The following PXDNL variants were observed in gnomAD, a reference collection of about 807,000 sequenced individuals.
PXDNL encodes probable oxidoreductase PXDNL.
Under a neutral mutation model 150.8 loss-of-function variants are expected in PXDNL, and 145 were observed. The ratio of observed to expected loss-of-function variants is 0.96; its 90% CI spans 0.84 to 1.10. PXDNL has a LOEUF of 1.10. Ranked by LOEUF, PXDNL falls within the 50% of genes least tolerant of loss-of-function variation. PXDNL has a pLI of 0.00. For synonymous variants in PXDNL, 757 were observed against 725.7 expected (o/e 1.04, Z -0.69); for missense variants, 2,087 against 1,873.9 (o/e 1.11, Z -2.10).
intron 19 of PXDNL, 119 bp from the exon 20 acceptor site, chr8:51,346,066 G>A (rs1242521029): frequency 1.7e-6 from 1 of 602,044 alleles, no homozygotes; most frequent in Non-Finnish European, 2.9e-6. Flanking sequence ...AGTAGAGAGC[G>A]AGAGTGAGAG....
chr8:51,341,754 C>T (rs979160398), intron 20 of PXDNL, among the ~76,000 whole-genome samples: 1 of 152,112 alleles, frequency 6.6e-6, no homozygotes, highest in Admixed American at 6.6e-5. Flanking sequence ...AGCATAATGT[C>T]CTCTAGAACT....
chr8:51,685,403 AC>A (rs773804626), intron 1 of PXDNL, among the ~76,000 whole-genome samples: 40 of 152,210 alleles, frequency 2.6e-4, no homozygotes, highest in Non-Finnish European at 4.9e-4. Context: ...TACTATGGCA[AC>A]CAAAATCATA....
At chr8:51,356,307 GGTGAAA>G in intron 19 of PXDNL, among the ~76,000 whole-genome samples, 1 of 152,180 alleles carries the variant, frequency 6.6e-6, no homozygotes, top group East Asian at 1.9e-4. Flanking sequence ...TGGCCAACAT[GGTGAAA>G]CCCCATCTCT....
chr8:51,435,752 G>A (rs187641775), intron 12 of PXDNL: 6 of 384,654 alleles, frequency 1.6e-5, no homozygotes, highest in South Asian at 4.7e-5. Flanking sequence ...CCCAGGCCCC[G>A]TTTGCAAGGG....
intron 2 of PXDNL, among the ~76,000 whole-genome samples, chr8:51,644,321 CATATAT>C (rs369187025): frequency 1.8e-5 from 1 of 55,884 alleles, no homozygotes; most frequent in African/African-American, 4.1e-5. Context: ...CACATTTTTA[CATATAT>C]ATATATATAT....
chr8:51,550,282 A>G (rs1294124248), intron 4 of PXDNL, among the ~76,000 whole-genome samples: 2 of 152,164 alleles, frequency 1.3e-5, no homozygotes, highest in East Asian at 3.9e-4. Flanking sequence ...TTCCAATCCT[A>G]CTGAAACTAT....
intron 1 of PXDNL, among the ~76,000 whole-genome samples, chr8:51,730,166 C>T (rs181273871): frequency 6.6e-6 from 1 of 151,654 alleles, no homozygotes; most frequent in South Asian, 2.1e-4. Context: ...TCACTTGTAA[C>T]ATCTCATTCA....
chr8:51,434,268 C>G (rs1228066569), intron 12 of PXDNL, among the ~76,000 whole-genome samples: 1 of 152,178 alleles, frequency 6.6e-6, no homozygotes, highest in Non-Finnish European at 1.5e-5. Flanking sequence ...TTTAAATGCT[C>G]TAAGTGATTT....
At chr8:51,544,359 G>A (rs571446817) in intron 4 of PXDNL, among the ~76,000 whole-genome samples, 49 of 152,194 alleles carry the variant, frequency 3.2e-4, no homozygotes, top group African/African-American at 1.2e-3. Context: ...ATAAAAATTC[G>A]ATGATTATAA....
At chr8:51,423,764 G>A (rs1300838574) in intron 13 of PXDNL, 33 bp from the exon 14 acceptor site, 4 of 1,570,438 alleles carry the variant, frequency 2.5e-6, no homozygotes, top group Non-Finnish European at 3.5e-6. Context: ...CACTGAATGA[G>A]TGTGGTTCCT....
At chr8:51,578,103 AAAG>A (rs869259862) in intron 3 of PXDNL, among the ~76,000 whole-genome samples, 4 of 121,592 alleles carry the variant, frequency 3.3e-5, no homozygotes, top group African/African-American at 1.2e-4. Context: ...AAAGAAAGAA[AAAG>A]AAAGAAAGAA....
At chr8:51,632,858 C>A (rs771058082) in intron 2 of PXDNL, among the ~76,000 whole-genome samples, 2 of 151,332 alleles carry the variant, frequency 1.3e-5, no homozygotes, top group Non-Finnish European at 2.9e-5. Context: ...AACTATATAC[C>A]CTTTTGTTTT....
chr8:51,539,987 C>CAGTA, intron 4 of PXDNL, among the ~76,000 whole-genome samples: 2 of 151,420 alleles, frequency 1.3e-5, no homozygotes, highest in East Asian at 3.9e-4. Context: ...GGCTGGAGTG[C>CAGTA]AGTGGCTCAA....
chr8:51,684,390 T>A lies in PXDNL; in HGVS notation c.165-29630A>T, dbSNP rs146832045. On this transcript the variant is annotated intron_variant, in intron 1 of 22. Coordinates refer to ENST00000356297, the MANE Select transcript of PXDNL (RefSeq NM_144651.5). ...TTAATTCCAGGATAGCCCCCAAGAT[T>A]CCCATATCCTCAACTTTCAAAATTT... Among the ~76,000 whole-genome samples, 391 of 152,248 alleles carry A rather than the reference T, an allele frequency of 2.6e-3. 1 individual carries two copies. Among genetic ancestry groups the A allele is most frequent in the African/African-American group, 9.1e-3 (378 of 41,550 alleles).
At chr8:51,758,113 C>A (rs2037122633) in intron 1 of PXDNL, among the ~76,000 whole-genome samples, 1 of 151,932 alleles carries the variant, frequency 6.6e-6, no homozygotes, top group Non-Finnish European at 1.5e-5. Context: ...CAACTAAAAT[C>A]TTTTTCTTAT....
chr8:51,322,338 A>T lies in PXDNL; in HGVS notation c.4147-1441T>A, dbSNP rs117293874. On this transcript the variant is annotated intron_variant, in intron 21 of 22. Coordinates refer to ENST00000356297, the MANE Select transcript of PXDNL (RefSeq NM_144651.5). ...CATTTCAGGCAAATGGAAAAAAAAA[A>T]ATATGTGTTAAAGCATGGGTACCAG... 1.1e-3 allele frequency among the ~76,000 whole-genome samples: 168 copies of T among 152,254 alleles called. 2 individuals carry two copies. In the East Asian group the frequency reaches 0.024, roughly 22 times the overall value.
intron 1 of PXDNL, among the ~76,000 whole-genome samples, chr8:51,708,365 CCATAA>C (rs1394045374): frequency 6.6e-6 from 1 of 152,172 alleles, no homozygotes; most frequent in Non-Finnish European, 1.5e-5. Context: ...TTTTTATCTT[CCATAA>C]GCACCTACTG....
chr8:51,369,372 C>T (rs1807021684), intron 19 of PXDNL, among the ~76,000 whole-genome samples: 1 of 152,154 alleles, frequency 6.6e-6, no homozygotes, highest in Non-Finnish European at 1.5e-5. Flanking sequence ...AGCAATGTTT[C>T]TGTTAATTGG....
chr8:51,578,297 G>C (rs1055373500), intron 3 of PXDNL, among the ~76,000 whole-genome samples: 1 of 151,698 alleles, frequency 6.6e-6, no homozygotes, highest in Admixed American at 6.6e-5. Context: ...AGTATACAAG[G>C]GAATATGAAA....
Sources: allele counts gnomAD v4.1 joint callset (sites outside exome capture counted in the v4.1 genomes callset), GRCh38; gene constraint gnomAD v4.1.1; transcripts MANE v1.5; gene names NCBI Gene and HGNC (gene_info 2026-07-23, HGNC 2026-07-21).